Variants in USP24 observed in about 807,000 individuals in gnomAD.
USP24 encodes the protein ubiquitin carboxyl-terminal hydrolase 24.
A neutral mutation model predicts 361.6 loss-of-function variants in USP24; 97 were observed. The ratio of observed to expected loss-of-function variants is 0.27; its 90% confidence interval spans 0.23 to 0.32. The LOEUF (loss-of-function observed/expected upper bound fraction) is 0.32, where lower values mean the gene tolerates loss of function less well. Ranked by LOEUF, USP24 falls within the 10% of genes least tolerant of loss-of-function variation. The pLI, the probability that USP24 is intolerant of heterozygous loss-of-function variation, is 1.00. For missense variants in USP24, 2,353 were observed against 3,165.6 expected (o/e 0.74, Z 6.16); for synonymous variants, 1,098 against 1,124.6 (o/e 0.98, Z 0.47).
At position 55,141,634 on chromosome 1, in the gene USP24, G is replaced by A; in HGVS notation, c.2732C>T (p.Ser911Leu). The change falls in exon 24 of 68, where the codon TCA (serine) becomes TTA (leucine). Residue 911 changes from serine to leucine, a missense_variant. Physicochemically the swap from Ser to Leu is moderately radical, Grantham distance 145. Transcript: ENST00000294383. Reference protein sequence around the residue: ...TATAMPTVATSVQSPYRSTKL... With the variant: ...TATAMPTVATLVQSPYRSTKL... Reference sequence around the variant, plus strand: ...CACTTACCTATAAGGAGACTGAACTGAGGTTGCTACAGTTGGCATGGCAGT... The same window carrying A: ...CACTTACCTATAAGGAGACTGAACTAAGGTTGCTACAGTTGGCATGGCAGT... The A allele has an allele frequency of 6.2e-7, 1 of 1,611,870 alleles. No homozygotes were observed. Among genetic ancestry groups the A allele is most frequent in the Admixed American group, 1.7e-5 (1 of 59,766 alleles).
At chr1:55,211,175 G>A (rs765877095) in intron 1 of USP24, among the ~76,000 whole-genome samples, 4 of 152,204 alleles carry the variant, frequency 2.6e-5, no homozygotes, top group Non-Finnish European at 5.9e-5. Flanking sequence ...CATTAGCCAT[G>A]CAGTAAAGAG....
intron 1 of USP24, among the ~76,000 whole-genome samples, chr1:55,208,326 T>C (rs1326435801): frequency 5.9e-5 from 9 of 152,170 alleles, no homozygotes; most frequent in Non-Finnish European, 1.0e-4. Context: ...ACAGAGATTA[T>C]CGACAGAAAC....
Position 55,162,219 on chromosome 1 carries a change from G to A in USP24, c.973C>T (p.Leu325Phe). ...CCTACCTGTACCACGGAGGAATTGA[G>A]GTACTCTGCACACACTCCTAAGGGC... ...IQPLGVCAEY[L>F]NSSVVQPMLD... is the part of the protein sequence containing the mutation. Residue 325 changes from leucine (L) to phenylalanine (F), a missense_variant, in exon 8 of 68, where the codon CTC (leucine) becomes TTC (phenylalanine). This residue lies in a region of USP24 where 386 missense variants were observed against 560.5 expected (regional missense o/e 0.69). Coordinates refer to ENST00000294383, the MANE Select transcript of USP24 (RefSeq NM_015306.3). 6.3e-7 allele frequency: 1 copy of A among 1,595,384 alleles called. No individual in the cohort carries two copies. The highest frequency in any genetic ancestry group is 1.1e-5 in the South Asian group (1 of 87,006).
At chr1:55,132,081 G>C (rs1336745875) in intron 31 of USP24, among the ~76,000 whole-genome samples, 1 of 152,164 alleles carries the variant, frequency 6.6e-6, no homozygotes, top group African/African-American at 2.4e-5. Context: ...ATGACTTGTA[G>C]ACAGTAAACA....
At chr1:55,109,271 C>T (rs1645882076) in intron 39 of USP24, among the ~76,000 whole-genome samples, 1 of 152,242 alleles carries the variant, frequency 6.6e-6, no homozygotes, top group South Asian at 2.1e-4. Flanking sequence ...GCCACTGCGC[C>T]TGGCCACCTC....
At chr1:55,189,253 C>G (rs1194941847) in intron 1 of USP24, among the ~76,000 whole-genome samples, 1 of 152,120 alleles carries the variant, frequency 6.6e-6, no homozygotes, top group African/African-American at 2.4e-5. Flanking sequence ...TGGAAATTAT[C>G]CAAATGTCCA....
At chr1:55,149,679 C>T (rs1472736069) in intron 16 of USP24, among the ~76,000 whole-genome samples, 1 of 152,148 alleles carries the variant, frequency 6.6e-6, no homozygotes, top group African/African-American at 2.4e-5. Context: ...AAGAAACTCA[C>T]CAGCCACTAG....
chr1:55,100,894 A>G lies in USP24; in HGVS notation c.5216T>C (p.Phe1739Ser). Residue 1739 changes from phenylalanine to serine, a missense_variant, in exon 44 of 68, where the codon TTT becomes TCT. By Grantham distance (155) the Phe-to-Ser change is radical. This residue lies in a region of USP24 where 105 missense variants were observed against 200.3 expected (regional missense o/e 0.52). Transcript: ENST00000294383. ...DSVFYQVQSL[F>S]GHLMESKLQY... ...CAGCTTGCTTTCCATTAAATGTCCA[A>G]AGAGAGACTGCACTTGGTAAAACAC... 1 of 1,613,718 alleles carries G rather than the reference A, an allele frequency of 6.2e-7. No homozygotes were observed. The highest frequency in any genetic ancestry group is 8.5e-7 in the Non-Finnish European group (1 of 1,179,776).
At chr1:55,133,706 G>C (rs931392318) in intron 30 of USP24, among the ~76,000 whole-genome samples, 2 of 146,834 alleles carry the variant, frequency 1.4e-5, no homozygotes, top group African/African-American at 5.1e-5. Flanking sequence ...GTGTAATCTT[G>C]GCTCACTGCA....
chr1:55,095,498 T>C (rs1645476362), intron 50 of USP24, 102 bp from the exon 51 acceptor site: 1 of 1,313,790 alleles, frequency 7.6e-7, no homozygotes, highest in South Asian at 1.5e-5. Flanking sequence ...AGTTAACTAC[T>C]CCCTAAGTTT....
intron 1 of USP24, among the ~76,000 whole-genome samples, chr1:55,212,034 C>CGAAAGAGTGCAGGACT: frequency 6.6e-6 from 1 of 152,096 alleles, no homozygotes; most frequent in African/African-American, 2.4e-5. Flanking sequence ...AAAGAGAGCC[C>CGAAAGAGTGCAGGACT]GAAAGAGTGC....
intron 1 of USP24, among the ~76,000 whole-genome samples, chr1:55,214,146 A>G (rs1557720295): frequency 6.6e-6 from 1 of 151,734 alleles, no homozygotes; most frequent in Non-Finnish European, 1.5e-5. Flanking sequence ...ATTTTATTCA[A>G]GTCCTCATTC....
Position 55,067,602 on chromosome 1 carries a change from C to G in USP24, c.*1443G>C, listed in dbSNP as rs1276685527. On this transcript the variant is annotated 3_prime_UTR_variant, in exon 68 of 68. Coordinates refer to ENST00000294383, the MANE Select transcript of USP24 (RefSeq NM_015306.3). ...AGATGCCATCTGCCTGGCCACATGC[C>G]CACACAATGCCACAGCAGCCAGACA... The G allele has an allele frequency of 1.3e-5, 2 of 152,218 alleles. No homozygotes were observed. The highest frequency in any genetic ancestry group is 4.8e-5 in the African/African-American group (2 of 41,444). 9.4% of individuals were successfully genotyped at this position (152,218 alleles called of 1,614,324 possible).
chr1:55,144,703 A>C (rs1157711170), intron 20 of USP24, among the ~76,000 whole-genome samples: 2 of 152,128 alleles, frequency 1.3e-5, no homozygotes, highest in African/African-American at 2.4e-5. Context: ...GGGAGGCTGA[A>C]GCAGGAGGAT....
Position 55,110,266 on chromosome 1 carries a change from C to T in USP24, c.4509-20G>A. ...AACAGTCTAAAAAACAGAAAGGTTT[C>T]AGTTACTAATAAGAGGCTGATTTGA... On this transcript the variant is annotated intron_variant, in intron 38 of 67. Transcript: ENST00000294383. The T allele has an allele frequency of 6.6e-7, 1 of 1,509,304 alleles. No individual in the cohort carries two copies. The highest frequency in any genetic ancestry group is 8.9e-7 in the Non-Finnish European group (1 of 1,127,024). 93.5% of individuals were successfully genotyped at this position (1,509,304 alleles called of 1,614,324 possible). A position where few individuals can be genotyped will look rare whatever the true frequency, so the allele number is the denominator to read the frequency against.
chr1:55,096,400 CAAA>C (rs965235084), intron 50 of USP24, 95 bp downstream of exon 50: 12 of 1,047,790 alleles, frequency 1.1e-5, no homozygotes, highest in Non-Finnish European at 1.5e-5. Context: ...ATAAAAATAA[CAAA>C]ATCTGTTGTG....
chr1:55,155,970 C>A (rs1180979486), intron 12 of USP24, among the ~76,000 whole-genome samples: 1 of 152,136 alleles, frequency 6.6e-6, no homozygotes, highest in Non-Finnish European at 1.5e-5. Flanking sequence ...CTCTACCTTA[C>A]TTAGGAAGAC....
At chr1:55,142,841 G>A in intron 22 of USP24, 46 bp from the exon 23 acceptor site, 1 of 1,450,132 alleles carries the variant, frequency 6.9e-7, no homozygotes, top group Non-Finnish European at 9.3e-7. Flanking sequence ...ACATTTAGTT[G>A]TAATCATTAT....
At chr1:55,176,068 CTT>C (rs1318955002) in intron 3 of USP24, among the ~76,000 whole-genome samples, 9 of 152,226 alleles carry the variant, frequency 5.9e-5, no homozygotes, top group Non-Finnish European at 1.3e-4. Flanking sequence ...ATAATTAAGT[CTT>C]AATCTATTAA....
Sources: gnomAD v4.1 joint callset for allele counts (sites outside exome capture counted in the v4.1 genomes callset) on GRCh38, gnomAD v4.1.1 for gene constraint, gnomAD v4.1.1 regional missense constraint, MANE v1.5 for transcripts, NCBI Gene and HGNC (gene_info 2026-07-23, HGNC 2026-07-21) for gene names.